The following RBMS3 variants were observed in gnomAD, a reference collection of about 807,000 sequenced individuals.
The protein encoded by RBMS3 is RNA-binding motif, single-stranded-interacting protein 3.
Under a neutral mutation model 66.8 loss-of-function variants are expected in RBMS3, and 27 were observed. The ratio of observed to expected loss-of-function variants is 0.40; its 90% CI spans 0.30 to 0.56. The LOEUF (loss-of-function observed/expected upper bound fraction) is 0.56. RBMS3 is among the 20% of genes least tolerant of loss of function. The probability of loss-of-function intolerance (pLI) is 0.40; values close to 1 mark genes in which losing one functional copy is unlikely to be tolerated. For missense variants in RBMS3, 513 were observed against 549.5 expected (o/e 0.93, Z 0.66); for synonymous variants, 188 against 183.0 (o/e 1.03, Z -0.22).
At chr3:29,802,990 A>C (rs537886130) in intron 6 of RBMS3, among the ~76,000 whole-genome samples, 1 of 152,290 alleles carries the variant, frequency 6.6e-6, no homozygotes, top group Admixed American at 6.5e-5. Flanking sequence ...AAGGACGTTG[A>C]CTTTCTGAAA....
intron 6 of RBMS3, among the ~76,000 whole-genome samples, chr3:29,830,501 GC>G (rs1196773736): frequency 6.6e-6 from 1 of 152,046 alleles, no homozygotes; most frequent in Non-Finnish European, 1.5e-5. Context: ...CAAAATACGT[GC>G]CCTTTTGATT....
chr3:29,300,502 C>T (rs1397216534), intron 1 of RBMS3, among the ~76,000 whole-genome samples: 4 of 151,854 alleles, frequency 2.6e-5, no homozygotes, highest in Non-Finnish European at 5.9e-5. Context: ...GATATAATGA[C>T]TGAGGAAAAT....
At chr3:29,433,800 T>A (rs4680834) in intron 1 of RBMS3, among the ~76,000 whole-genome samples, 65,719 of 152,086 alleles carry the variant, frequency 0.43, 14,387 homozygotes, top group East Asian at 0.53. Flanking sequence ...CTCACATTGT[T>A]TATTGCAATT....
At chr3:29,987,790 A>G (rs1203711993) in intron 12 of RBMS3, among the ~76,000 whole-genome samples, 2 of 152,068 alleles carry the variant, frequency 1.3e-5, no homozygotes, top group African/African-American at 2.4e-5. Context: ...GCAATAAAAG[A>G]GAGTAAAAAA....
intron 2 of RBMS3, among the ~76,000 whole-genome samples, chr3:29,453,606 G>C (rs755210755): frequency 6.6e-6 from 1 of 152,144 alleles, no homozygotes; most frequent in Non-Finnish European, 1.5e-5. Flanking sequence ...GGCAAGGGTC[G>C]TCTCCAGCAG....
chr3:29,545,617 G>A (rs1257448912), intron 3 of RBMS3, among the ~76,000 whole-genome samples: 2 of 152,176 alleles, frequency 1.3e-5, no homozygotes, highest in African/African-American at 4.8e-5. Flanking sequence ...AAAAGAAATA[G>A]TGTGTTGTAT....
At chr3:29,935,762 G>A (rs761566098) in intron 10 of RBMS3, among the ~76,000 whole-genome samples, 2 of 152,034 alleles carry the variant, frequency 1.3e-5, no homozygotes, top group Non-Finnish European at 2.9e-5. Flanking sequence ...TTCAGTCAGA[G>A]AAGTTTATAT....
intron 4 of RBMS3, chr3:29,698,681 T>G (rs2052389785): frequency 1.1e-6 from 1 of 908,230 alleles, no homozygotes; most frequent in African/African-American, 1.8e-5. Flanking sequence ...TTTAAAGTAT[T>G]GAAAATTCTG....
chr3:29,953,385 G>C (rs2149719324), intron 12 of RBMS3, among the ~76,000 whole-genome samples: 1 of 152,046 alleles, frequency 6.6e-6, no homozygotes, highest in Admixed American at 6.6e-5. Flanking sequence ...GAGTGGCCTT[G>C]TCTGAAAATT....
At chr3:29,813,867 A>C (rs908810696) in intron 6 of RBMS3, among the ~76,000 whole-genome samples, 4 of 152,188 alleles carry the variant, frequency 2.6e-5, no homozygotes, top group African/African-American at 9.7e-5. Context: ...TTATCCGCTT[A>C]AGGAGATTTT....
intron 4 of RBMS3, among the ~76,000 whole-genome samples, chr3:29,633,525 C>T (rs1559524820): frequency 6.6e-6 from 1 of 151,820 alleles, no homozygotes; most frequent in Non-Finnish European, 1.5e-5. Context: ...CTGGATCTCA[C>T]CTACCTATTT....
chr3:29,962,181 G>C (rs1416668406), intron 12 of RBMS3, among the ~76,000 whole-genome samples: 1 of 150,220 alleles, frequency 6.7e-6, no homozygotes, highest in Non-Finnish European at 1.5e-5. Context: ...TTGGAAATGA[G>C]TGTATTGGTC....
At chr3:29,442,209 T>C (rs1474568334) in intron 2 of RBMS3, among the ~76,000 whole-genome samples, 5 of 151,004 alleles carry the variant, frequency 3.3e-5, no homozygotes, top group African/African-American at 9.7e-5. Context: ...TATATATACT[T>C]ACATTTTTTT....
At chr3:29,914,920 C>G (rs1364939051) in intron 10 of RBMS3, among the ~76,000 whole-genome samples, 1 of 151,720 alleles carries the variant, frequency 6.6e-6, no homozygotes, top group Non-Finnish European at 1.5e-5. Flanking sequence ...ACTAGCCCAG[C>G]TAGTGGAAGA....
At chr3:29,283,241 T>C (rs1291243990) in intron 1 of RBMS3, among the ~76,000 whole-genome samples, 1 of 152,190 alleles carries the variant, frequency 6.6e-6, no homozygotes, top group Non-Finnish European at 1.5e-5. Flanking sequence ...CTTTTACTCA[T>C]TTGGCTACAT....
chr3:29,484,450 A>G (rs775036305), intron 2 of RBMS3, among the ~76,000 whole-genome samples: 17 of 152,164 alleles, frequency 1.1e-4, no homozygotes, highest in Non-Finnish European at 1.9e-4. Context: ...TATAAGGACA[A>G]CAATCATATT....
intron 4 of RBMS3, among the ~76,000 whole-genome samples, chr3:29,601,554 A>G (rs1022915340): frequency 2.6e-4 from 40 of 152,054 alleles, no homozygotes; most frequent in African/African-American, 8.9e-4. Flanking sequence ...GATGAACACT[A>G]TGCATTCTAA....
intron 4 of RBMS3, among the ~76,000 whole-genome samples, chr3:29,652,348 C>CAT (rs1330341699): frequency 2.1e-4 from 32 of 152,036 alleles, no homozygotes; most frequent in Admixed American, 1.8e-3. Context: ...GTAAAAAACT[C>CAT]ATATAAATAA....
intron 14 of RBMS3, among the ~76,000 whole-genome samples, chr3:29,993,324 C>T (rs1020346781): frequency 2.1e-5 from 3 of 140,182 alleles, no homozygotes; most frequent in South Asian, 2.2e-4. Flanking sequence ...GCCTGGTCAA[C>T]GGGTTATATG....
Sources: gnomAD v4.1 joint callset for allele counts (sites outside exome capture counted in the v4.1 genomes callset) on GRCh38, gnomAD v4.1.1 for gene constraint, MANE v1.5 for transcripts, NCBI Gene and HGNC (gene_info 2026-07-23, HGNC 2026-07-21) for gene names.